The following RAPGEF2 variants were observed in gnomAD, a reference collection of about 807,000 sequenced individuals.
RAPGEF2 encodes the protein PDZ domain containing guanine nucleotide exchange factor (GEF) 1.
A neutral mutation model predicts 186.7 loss-of-function variants in RAPGEF2; 54 were observed. That is an observed-to-expected ratio of 0.29 (90% CI 0.23 to 0.36). The LOEUF (loss-of-function observed/expected upper bound fraction) is 0.36. Among genes scored for constraint, RAPGEF2 ranks in the 10% least tolerant of loss-of-function variants. The pLI is 1.00. For synonymous variants in RAPGEF2, 712 were observed against 705.9 expected, an observed-to-expected ratio of 1.01 and a Z score of -0.14; for missense variants, 1,532 against 2,045.0, an observed-to-expected ratio of 0.75 and a Z score of 4.84.
chr4:159,330,056 G>T, intron 12 of RAPGEF2, 46 bp downstream of exon 12: 1 of 1,565,406 alleles, frequency 6.4e-7, no homozygotes, highest in Non-Finnish European at 8.6e-7. Context: ...ATTTTTTTTG[G>T]TAGTATTGGT....
chr4:159,264,006 C>T (rs926113633), intron 7 of RAPGEF2, among the ~76,000 whole-genome samples: 2 of 152,026 alleles, frequency 1.3e-5, no homozygotes, highest in Non-Finnish European at 2.9e-5. Context: ...CTAGTTAATG[C>T]TACTTGGTAA....
Position 159,346,944 on chromosome 4 carries a change from G to A in RAPGEF2, c.3658G>A (p.Val1220Met), listed in dbSNP as rs200983759. The A allele has an allele frequency of 1.6e-4, 266 of 1,614,160 alleles. 4 individuals carry two copies. The South Asian group carries it at 2.1e-3, about 13-fold the overall frequency. ...CAACCAGGGACTACAGGTTCCCGCC[G>A]TGTCCCTTTATCCTTCACGGAAGAA... ...KINQGLQVPA[V>M]SLYPSRKKVP... is the part of the protein sequence containing the mutation. The change falls in exon 25 of 30, where the codon GTG (valine) becomes ATG (methionine). Residue 1220 changes from valine (V) to methionine (M), a missense_variant. Val to Met is a conservative substitution (Grantham distance 21). Transcript: ENST00000691494.
intron 1 of RAPGEF2, among the ~76,000 whole-genome samples, chr4:159,106,872 G>T (rs1345941112): frequency 6.6e-6 from 1 of 152,176 alleles, no homozygotes; most frequent in Admixed American, 6.5e-5. Flanking sequence ...CTAGGGGTGG[G>T]AAGAGTACCA....
intron 1 of RAPGEF2, among the ~76,000 whole-genome samples, chr4:159,128,200 T>A (rs1740585463): frequency 6.6e-6 from 1 of 152,182 alleles, no homozygotes; most frequent in South Asian, 2.1e-4. Flanking sequence ...GTCTTAACTT[T>A]TACATTACTG....
intron 7 of RAPGEF2, among the ~76,000 whole-genome samples, chr4:159,260,387 T>A (rs1439655255): frequency 6.6e-6 from 1 of 152,106 alleles, no homozygotes; most frequent in Non-Finnish European, 1.5e-5. Flanking sequence ...GAGGAAATCT[T>A]ATCCCCAAAC....
At chr4:159,220,585 C>G (rs182007549) in intron 4 of RAPGEF2, among the ~76,000 whole-genome samples, 1 of 152,174 alleles carries the variant, frequency 6.6e-6, no homozygotes, top group African/African-American at 2.4e-5. Flanking sequence ...AGTTACTGAT[C>G]GCTGTGGTCT....
intron 3 of RAPGEF2, among the ~76,000 whole-genome samples, chr4:159,203,083 C>T (rs1311259708): frequency 6.6e-6 from 1 of 152,182 alleles, no homozygotes; most frequent in African/African-American, 2.4e-5. Flanking sequence ...TCAACTTCAA[C>T]TTGATCGCTT....
chr4:159,169,010 A>G (rs1745619307), intron 1 of RAPGEF2, among the ~76,000 whole-genome samples: 1 of 152,210 alleles, frequency 6.6e-6, no homozygotes, highest in South Asian at 2.1e-4. Flanking sequence ...TCTTTTATCT[A>G]TTCTAGCAAA....
intron 26 of RAPGEF2, 21 bp from the exon 27 acceptor site, chr4:159,352,664 A>G (rs1425764738): frequency 1.3e-6 from 2 of 1,569,184 alleles, no homozygotes; most frequent in East Asian, 2.2e-5. Flanking sequence ...TCTAATTAAT[A>G]CGGTTGTATT....
At chr4:159,318,613 A>T (rs1764880500) in intron 9 of RAPGEF2, among the ~76,000 whole-genome samples, 1 of 152,204 alleles carries the variant, frequency 6.6e-6, no homozygotes, top group South Asian at 2.1e-4. Flanking sequence ...AAGGGACTTT[A>T]TCATATTAAT....
rs145908436 is a variant in RAPGEF2, at chr4:159,199,940, C to G, written c.197+6684C>G. Reference sequence around the variant, plus strand: ...TAATTTCATAACCCATTAGTAGTTTCCAAAAGAGTCAAAATTTCAGATTCT... The same window carrying G: ...TAATTTCATAACCCATTAGTAGTTTGCAAAAGAGTCAAAATTTCAGATTCT... On this transcript the variant is annotated intron_variant, in intron 3 of 29. Coordinates refer to ENST00000691494, the MANE Select transcript of RAPGEF2 (RefSeq NM_001394067.2). Among the ~76,000 whole-genome samples the G allele has an allele frequency of 2.7e-3, 418 of 152,140 alleles. 1 individual carries two copies. Among genetic ancestry groups the G allele is most frequent in the African/African-American group, 9.4e-3 (391 of 41,512 alleles).
intron 1 of RAPGEF2, among the ~76,000 whole-genome samples, chr4:159,131,679 CTTGA>C (rs1741126705): frequency 6.6e-6 from 1 of 151,548 alleles, no homozygotes; most frequent in Admixed American, 6.6e-5. Context: ...GAACTTTGGG[CTTGA>C]TTAACGTCTT....
chr4:159,302,345 T>A (rs537681632), intron 7 of RAPGEF2, among the ~76,000 whole-genome samples: 7 of 152,056 alleles, frequency 4.6e-5, no homozygotes, highest in South Asian at 2.1e-4. Context: ...TTAATTTTTT[T>A]AAAAAATCAC....
chr4:159,232,305 T>C (rs1752735254), intron 4 of RAPGEF2, among the ~76,000 whole-genome samples: 3 of 152,228 alleles, frequency 2.0e-5, no homozygotes, highest in African/African-American at 7.2e-5. Flanking sequence ...TCTCCAACTC[T>C]TGGCAACCTT....
At chr4:159,323,737 G>A in intron 11 of RAPGEF2, 120 bp downstream of exon 11, 1 of 305,762 alleles carries the variant, frequency 3.3e-6, no homozygotes, top group Non-Finnish European at 4.8e-6. Flanking sequence ...TTTTTTTTTT[G>A]AGACAGAGTA....
intron 1 of RAPGEF2, among the ~76,000 whole-genome samples, chr4:159,125,043 T>C (rs983968387): frequency 5.9e-5 from 9 of 152,254 alleles, no homozygotes; most frequent in African/African-American, 2.2e-4. Flanking sequence ...CTATTTTTTT[T>C]TTTTAGAAAT....
intron 7 of RAPGEF2, among the ~76,000 whole-genome samples, chr4:159,271,571 T>C (rs1758137538): frequency 6.6e-6 from 1 of 152,176 alleles, no homozygotes; most frequent in Non-Finnish European, 1.5e-5. Flanking sequence ...CAGGGACATA[T>C]TACTAGTAAG....
rs547447039 is a variant in RAPGEF2 at position 159,263,777 on chromosome 4, A to G, written c.543+19986A>G. Among the ~76,000 whole-genome samples the G allele has an allele frequency of 3.5e-4, 53 of 152,218 alleles. No homozygotes were observed. In the South Asian group the frequency reaches 0.01, roughly 30 times the overall value. Reference sequence around the variant, plus strand: ...GATTAATCATTACTGAGAACAGACCATTTTTCTCAATTTCATAGTAATTAG... The same window carrying G: ...GATTAATCATTACTGAGAACAGACCGTTTTTCTCAATTTCATAGTAATTAG... On this transcript the variant is annotated intron_variant, in intron 7 of 29. Coordinates refer to ENST00000691494, the MANE Select transcript of RAPGEF2 (RefSeq NM_001394067.2).
At chr4:159,179,726 G>A (rs989602174) in intron 1 of RAPGEF2, among the ~76,000 whole-genome samples, 3 of 152,138 alleles carry the variant, frequency 2.0e-5, no homozygotes, top group African/African-American at 4.8e-5. Context: ...GACCACTATG[G>A]GCAGGAAAGG....
Sources: gnomAD v4.1 joint callset for allele counts (sites outside exome capture counted in the v4.1 genomes callset) on GRCh38, gnomAD v4.1.1 for gene constraint, MANE v1.5 for transcripts, NCBI Gene and HGNC (gene_info 2026-07-23, HGNC 2026-07-21) for gene names.